GPC6: variants seen among roughly 807,000 people sequenced by gnomAD.
The protein encoded by GPC6 is glypican 6.
Under a neutral mutation model 55.2 loss-of-function variants are expected in GPC6, and 14 were observed. The observed-to-expected ratio is 0.25, with a 90% CI of 0.17 to 0.40. The LOEUF is 0.40. GPC6 is among the 10% of genes least tolerant of loss of function. The probability of loss-of-function intolerance (pLI) is 1.00; values close to 1 mark genes in which losing one functional copy is unlikely to be tolerated. For missense variants in GPC6, 641 were observed against 708.5 expected (o/e 0.90, Z 1.08); for synonymous variants, 278 against 259.6 (o/e 1.07, Z -0.68).
At chr13:93,661,091 C>G (rs1389268476) in intron 2 of GPC6, among the ~76,000 whole-genome samples, 2 of 152,222 alleles carry the variant, frequency 1.3e-5, no homozygotes, top group East Asian at 3.9e-4. Flanking sequence ...GTAGTACATG[C>G]AAGGAGACAA....
chr13:93,375,882 A>G (rs1407981751), intron 1 of GPC6, among the ~76,000 whole-genome samples: 8 of 152,226 alleles, frequency 5.3e-5, no homozygotes, highest in Non-Finnish European at 1.0e-4. Context: ...AGGAAAATAT[A>G]TAACGGAGGA....
chr13:93,676,166 T>TAC (rs1566481823), intron 2 of GPC6, among the ~76,000 whole-genome samples: 7 of 35,652 alleles, frequency 2.0e-4, no homozygotes, highest in African/African-American at 4.4e-4. Context: ...TATATATATA[T>TAC]ATACATACAC....
chr13:94,311,590 C>T (rs1272049719), intron 6 of GPC6, among the ~76,000 whole-genome samples: 1 of 152,218 alleles, frequency 6.6e-6, no homozygotes, highest in Non-Finnish European at 1.5e-5. Context: ...ATAGTGTTAA[C>T]TGTTTGGCCT....
At chr13:93,477,987 A>AT (rs11455536) in intron 1 of GPC6, among the ~76,000 whole-genome samples, 32,422 of 151,706 alleles carry the variant, frequency 0.21, 3,677 homozygotes, top group East Asian at 0.37. Flanking sequence ...ATCTCTTTGC[A>AT]TTTTTTTTGT....
chr13:93,946,974 C>T (rs953687478), intron 3 of GPC6, among the ~76,000 whole-genome samples: 2 of 152,158 alleles, frequency 1.3e-5, no homozygotes, highest in African/African-American at 4.8e-5. Context: ...AAATTTCTGA[C>T]CTTGAATCTG....
chr13:93,390,123 G>A (rs1350397964), intron 1 of GPC6, among the ~76,000 whole-genome samples: 1 of 151,928 alleles, frequency 6.6e-6, no homozygotes, highest in African/African-American at 2.4e-5. Flanking sequence ...GAGGAAAATA[G>A]ACCGAATTTG....
chr13:94,220,471 G>C (rs1432678544), intron 4 of GPC6, among the ~76,000 whole-genome samples: 3 of 152,004 alleles, frequency 2.0e-5, no homozygotes, highest in African/African-American at 7.2e-5. Flanking sequence ...CTTCAATATT[G>C]GTATAGATAA....
At chr13:93,217,046 G>GAA in the GPC6 span, among the ~76,000 whole-genome samples, 8 of 149,316 alleles carry the variant, frequency 5.4e-5, no homozygotes, top group African/African-American at 2.0e-4. Context: ...CGCAAAAATG[G>GAA]AAAAAAAAAA....
At chr13:93,830,630 A>AC (rs1887452508) in intron 3 of GPC6, 85 bp downstream of exon 3, 1 of 1,209,966 alleles carries the variant, frequency 8.3e-7, no homozygotes, top group East Asian at 2.5e-5. Flanking sequence ...AAAAAAAAAA[A>AC]AAAAAAAACC....
chr13:93,493,553 GC>G (rs1880122972), intron 1 of GPC6, among the ~76,000 whole-genome samples: 1 of 121,340 alleles, frequency 8.2e-6, no homozygotes, highest in Admixed American at 8.4e-5. Context: ...GTTATTTCTT[GC>G]CTTCTGCTAG....
intron 4 of GPC6, among the ~76,000 whole-genome samples, chr13:94,259,473 G>A (rs559291606): frequency 3.9e-5 from 6 of 152,294 alleles, no homozygotes; most frequent in African/African-American, 1.4e-4. Flanking sequence ...GGTTGGTTTA[G>A]CACTATCTTT....
chr13:94,203,809 A>G (rs2138979446), intron 4 of GPC6, among the ~76,000 whole-genome samples: 1 of 152,260 alleles, frequency 6.6e-6, no homozygotes, highest in South Asian at 2.1e-4. Flanking sequence ...TCTATCAAAT[A>G]CATGTTGGAG....
At chr13:93,846,483 A>G (rs1054776463) in intron 3 of GPC6, among the ~76,000 whole-genome samples, 1 of 152,228 alleles carries the variant, frequency 6.6e-6, no homozygotes, top group African/African-American at 2.4e-5. Flanking sequence ...TGGTAGTGCT[A>G]TTCGACAGGA....
At chr13:93,926,212 G>T (rs1268916959) in intron 3 of GPC6, among the ~76,000 whole-genome samples, 5 of 152,126 alleles carry the variant, frequency 3.3e-5, no homozygotes, top group Non-Finnish European at 7.3e-5. Flanking sequence ...AGATAGGGAA[G>T]ACATGGATTA....
intron 1 of GPC6, among the ~76,000 whole-genome samples, chr13:93,424,273 G>A (rs1375232416): frequency 6.6e-6 from 1 of 152,176 alleles, no homozygotes; most frequent in African/African-American, 2.4e-5. Flanking sequence ...TCAAGATTGA[G>A]GCAGGGAAGC....
intron 3 of GPC6, among the ~76,000 whole-genome samples, chr13:93,899,430 C>T (rs1382860834): frequency 7.0e-6 from 1 of 142,332 alleles, no homozygotes; most frequent in African/African-American, 2.6e-5. Flanking sequence ...GGTAAGAAGA[C>T]ATAGTTGGAT....
chr13:93,303,680 A>C (rs1298033342), intron 1 of GPC6, among the ~76,000 whole-genome samples: 1 of 152,106 alleles, frequency 6.6e-6, no homozygotes, highest in African/African-American at 2.4e-5. Flanking sequence ...CAATTTTTTT[A>C]AATACTTAGA....
At chr13:93,994,834 T>A (rs924499908) in intron 3 of GPC6, among the ~76,000 whole-genome samples, 5 of 152,242 alleles carry the variant, frequency 3.3e-5, no homozygotes, top group Non-Finnish European at 5.9e-5. Flanking sequence ...TATTTCTTCA[T>A]CTAATAAACT....
chr13:93,986,908 T>C (rs1446599355), intron 3 of GPC6, among the ~76,000 whole-genome samples: 2 of 152,184 alleles, frequency 1.3e-5, no homozygotes, highest in East Asian at 3.8e-4. Context: ...AATATAGTAC[T>C]GATATTTTTG....
Sources: allele counts gnomAD v4.1 joint callset (sites outside exome capture counted in the v4.1 genomes callset), GRCh38; gene constraint gnomAD v4.1.1; transcripts MANE v1.5; gene names NCBI Gene and HGNC (gene_info 2026-07-23, HGNC 2026-07-21).